The following VWA5A variants were observed in gnomAD, a reference collection of about 807,000 sequenced individuals.
VWA5A encodes the protein von Willebrand factor A domain containing 5A.
VWA5A carries 77 observed loss-of-function variants against 84.6 expected under a neutral mutation model. That is an observed-to-expected ratio of 0.91 (90% CI 0.76 to 1.10). The LOEUF (loss-of-function observed/expected upper bound fraction) is 1.10, where lower values mean the gene tolerates loss of function less well. Ranked by LOEUF, VWA5A falls within the 50% of genes least tolerant of loss-of-function variation. VWA5A has a pLI of 0.00. For synonymous variants in VWA5A, 334 were observed against 350.1 expected (o/e 0.95, Z 0.51); for missense variants, 973 against 963.0 (o/e 1.01, Z -0.14).
intron 2 of VWA5A, among the ~76,000 whole-genome samples, chr11:124,117,149 C>T (rs1864844117): frequency 1.3e-5 from 2 of 152,180 alleles, no homozygotes; most frequent in Admixed American, 6.5e-5. Context: ...AAAGAAAATA[C>T]TGAGGCTCAG....
At position 124,145,907 on chromosome 11, in the gene VWA5A, C is replaced by T. The variant is rs1438768284; in HGVS notation, c.2323C>T (p.Leu775=). Residue 775 remains leucine (L), a synonymous_variant, in exon 19 of 19, where the codon CTG becomes TTG. Transcript: ENST00000456829. ...GGTTGTGAAAGCTGCTATTACTTTC[C>T]TGAAGTCATCTGTGGATCCTGCTAT... ...PSVVKAAITF[L]KSSVDPAIFA... is the part of the protein sequence containing the mutation. 6.9e-6 allele frequency: 11 copies of T among 1,588,682 alleles called. No individual in the cohort carries two copies. Among genetic ancestry groups the T allele is most frequent in the East Asian group, 2.3e-5 (1 of 44,444 alleles).
chr11:124,132,246 T>A (rs1190884840), intron 11 of VWA5A, among the ~76,000 whole-genome samples: 1 of 152,114 alleles, frequency 6.6e-6, no homozygotes, highest in Non-Finnish European at 1.5e-5. Context: ...TTCAGTTGGA[T>A]AATACTTTTT....
Position 124,118,660 on chromosome 11 carries a change from C to T in VWA5A, c.597C>T (p.Cys199=), listed in dbSNP as rs1012025912. Residue 199 remains cysteine, a synonymous_variant, in exon 6 of 19, where the codon TGC becomes TGT. Coordinates refer to ENST00000456829, the MANE Select transcript of VWA5A (RefSeq NM_001130142.2). ...GCATTGAGAAGGTCCAATCCAACTG[C>T]CCCTTGAGTCCTACCGAGTACCTAG... The part of the protein sequence containing the change: ...QHGIEKVQSN[C]PLSPTEYLGE... The T allele has an allele frequency of 6.2e-7, 1 of 1,614,098 alleles. No individual in the cohort carries two copies. The highest frequency in any genetic ancestry group is 1.7e-5 in the Admixed American group (1 of 60,032).
chr11:124,133,089 T>C (rs4935863), intron 11 of VWA5A, among the ~76,000 whole-genome samples: 93,489 of 152,082 alleles, frequency 0.61, 30,023 homozygotes, highest in African/African-American at 0.81. Context: ...AAATTAGATG[T>C]TCCTCTAGAT....
intron 7 of VWA5A, among the ~76,000 whole-genome samples, chr11:124,119,911 T>C (rs1864903936): frequency 6.6e-6 from 1 of 152,244 alleles, no homozygotes; most frequent in African/African-American, 2.4e-5. Context: ...GTTTAATTCT[T>C]AATTAAGAAA....
Position 124,145,381 on chromosome 11 carries a change from A to T in VWA5A, c.2281+18A>T. 2 of 1,597,978 alleles carry T rather than the reference A, an allele frequency of 1.3e-6. No individual in the cohort carries two copies. The highest frequency in any genetic ancestry group is 2.3e-5 in the South Asian group (2 of 88,254). On this transcript the variant is annotated intron_variant, in intron 18 of 18. Transcript: ENST00000456829. ...CCATGCAGGTAGGAGCACAATCCTA[A>T]GGCCTGTCTCCTTCCCCTTCCCTGG... is the stretch of plus-strand genomic sequence containing the variant.
rs771935849 is a variant in VWA5A, at chr11:124,145,397, C to T, written c.2281+34C>T. On this transcript the variant is annotated intron_variant, in intron 18 of 18. Transcript: ENST00000456829. ...ACAATCCTAAGGCCTGTCTCCTTCC[C>T]CTTCCCTGGCCTGGCGGAAGGTGAC... The T allele has an allele frequency of 1.9e-6, 3 of 1,573,178 alleles. No homozygotes were observed. The Admixed American group carries it at 5.4e-5, about 28-fold the overall frequency.
rs1860749806 is a variant in VWA5A, at chr11:124,142,517, T to C, written c.2099T>C (p.Leu700Pro). 6.2e-7 allele frequency: 1 copy of C among 1,614,192 alleles called. No individual in the cohort carries two copies. The highest frequency in any genetic ancestry group is 8.5e-7 in the Non-Finnish European group (1 of 1,180,026). Residue 700 changes from leucine to proline, a missense_variant, in exon 17 of 19, where the codon CTA (leucine) becomes CCA (proline). Coordinates refer to ENST00000456829, the MANE Select transcript of VWA5A (RefSeq NM_001130142.2). ...GGTTCCTGGGATCTGAATGAAGATC[T>C]AGCCAAGATCCTAGGTATGAGTTTG... ...ANGSWDLNED[L>P]AKILGMSLEE...
intron 11 of VWA5A, among the ~76,000 whole-genome samples, chr11:124,126,759 GA>G (rs879913119): frequency 6.3e-4 from 90 of 142,536 alleles, no homozygotes; most frequent in South Asian, 9.0e-4. Flanking sequence ...AATCCTTCTT[GA>G]AAAAAAAAAA....
intron 7 of VWA5A, 73 bp downstream of exon 7, chr11:124,119,162 C>T: frequency 1.5e-6 from 2 of 1,354,882 alleles, no homozygotes; most frequent in East Asian, 2.4e-5. Flanking sequence ...TCGAATTACT[C>T]TCTTTTCTTT....
At chr11:124,141,273 T>G (rs1860723173) in intron 15 of VWA5A, among the ~76,000 whole-genome samples, 1 of 152,150 alleles carries the variant, frequency 6.6e-6, no homozygotes, top group Admixed American at 6.5e-5. Context: ...AACAACCATT[T>G]GAGAGTGATG....
At chr11:124,129,828 T>C (rs552945347) in intron 11 of VWA5A, among the ~76,000 whole-genome samples, 1 of 152,226 alleles carries the variant, frequency 6.6e-6, no homozygotes, top group Non-Finnish European at 1.5e-5. Flanking sequence ...TCAGTGGTGA[T>C]ACTCCCTTTA....
Position 124,141,595 on chromosome 11 carries a change from C to T in VWA5A, c.1880-3C>T. ...CACTGTCTTAATGTTTGGATTTTTT[C>T]AGGTTTTCGAAAGGCCTTACACTCT... On this transcript the variant is annotated splice_polypyrimidine_tract_variant and splice_region_variant and intron_variant, in intron 15 of 18. Transcript: ENST00000456829. 1 of 1,613,864 alleles carries T rather than the reference C, an allele frequency of 6.2e-7. No homozygotes were observed. The highest frequency in any genetic ancestry group is 8.5e-7 in the Non-Finnish European group (1 of 1,179,896).
At chr11:124,141,515 G>T (rs950536774) in intron 15 of VWA5A, 83 bp from the exon 16 acceptor site, 3 of 1,541,430 alleles carry the variant, frequency 1.9e-6, no homozygotes, top group Admixed American at 1.8e-5. Flanking sequence ...TGGATGGGGG[G>T]GTATGTATCT....
intron 1 of VWA5A, chr11:124,116,325 G>C (rs1171045383): frequency 6.6e-6 from 1 of 152,288 alleles, no homozygotes; most frequent in Non-Finnish European, 1.5e-5. Flanking sequence ...GGGAAGAGTG[G>C]GGGCAAGGGT....
Position 124,134,971 on chromosome 11 carries a change from T to C in VWA5A, c.1296T>C (p.Gly432=). Reference sequence around the variant, plus strand: ...GCACCTCCACCAGCCTAATAAAAGGTATTGCCCGGGCATCAGGGGGCACCT... The same window carrying C: ...GCACCTCCACCAGCCTAATAAAAGGCATTGCCCGGGCATCAGGGGGCACCT... ...GEGTSTSLIK[G]IARASGGTSE... The change falls in exon 12 of 19, where the codon GGT becomes GGC. Residue 432 remains glycine (G), a synonymous_variant. Coordinates refer to ENST00000456829, the MANE Select transcript of VWA5A (RefSeq NM_001130142.2). 1 of 1,613,668 alleles carries C rather than the reference T, an allele frequency of 6.2e-7. No individual in the cohort carries two copies. Among genetic ancestry groups the C allele is most frequent in the Non-Finnish European group, 8.5e-7 (1 of 1,179,828 alleles).
intron 15 of VWA5A, 100 bp downstream of exon 15, chr11:124,137,368 C>T (rs1860629584): frequency 1.4e-6 from 2 of 1,439,894 alleles, no homozygotes; most frequent in Admixed American, 2.4e-5. Context: ...TCTCAAATTG[C>T]TTTGTTTTCC....
Position 124,117,483 on chromosome 11 carries a change from T to C in VWA5A, c.-15-14T>C, listed in dbSNP as rs752102612. The stretch of plus-strand genomic sequence containing the variant: ...TCCAACATGTCCTCTGTTTGTGATA[T>C]GTCTTTTCTGCAGAAATCTTGCATC... On this transcript the variant is annotated splice_polypyrimidine_tract_variant and intron_variant, in intron 2 of 18. Coordinates refer to ENST00000456829, the MANE Select transcript of VWA5A (RefSeq NM_001130142.2). 6.2e-7 allele frequency: 1 copy of C among 1,613,810 alleles called. No individual in the cohort carries two copies. Among genetic ancestry groups the C allele is most frequent in the Non-Finnish European group, 8.5e-7 (1 of 1,179,666 alleles).
At chr11:124,145,211 A>C in intron 17 of VWA5A, 26 bp from the exon 18 acceptor site, 1 of 1,593,738 alleles carries the variant, frequency 6.3e-7, no homozygotes, top group Non-Finnish European at 8.5e-7. Flanking sequence ...TCCTGTGCCA[A>C]CTGGAGCTCT....
Sources: gnomAD v4.1 joint callset for allele counts (sites outside exome capture counted in the v4.1 genomes callset) on GRCh38, gnomAD v4.1.1 for gene constraint, MANE v1.5 for transcripts, NCBI Gene and HGNC (gene_info 2026-07-23, HGNC 2026-07-21) for gene names.